PDE2A: variants seen among roughly 807,000 people sequenced by gnomAD.
PDE2A encodes the protein phosphodiesterase 2A.
PDE2A carries 53 observed loss-of-function variants against 133.6 expected under a neutral mutation model. That is an observed-to-expected ratio of 0.40 (90% CI 0.32 to 0.50). PDE2A has a LOEUF of 0.50. Ranked by LOEUF, PDE2A falls within the 20% of genes least tolerant of loss-of-function variation. The probability of loss-of-function intolerance (pLI) is 0.73; values close to 1 mark genes in which losing one functional copy is unlikely to be tolerated. For missense variants in PDE2A, 796 were observed against 1,232.4 expected (o/e 0.65, Z 5.30); for synonymous variants, 491 against 490.2 (o/e 1.00, Z -0.02).
Position 72,589,901 on chromosome 11 carries a change from C to G in PDE2A, c.831+6G>C. 1 of 1,612,686 alleles carries G rather than the reference C, an allele frequency of 6.2e-7. No individual in the cohort carries two copies. The highest frequency in any genetic ancestry group is 8.5e-7 in the Non-Finnish European group (1 of 1,179,360). On this transcript the variant is annotated splice_donor_region_variant and intron_variant, in intron 10 of 30. Transcript: ENST00000334456. ...CCCCCGCTCTACAGTGGACCTGGGC[C>G]CTCACCTTGCAAGAAAGCTGGAGAT...
chr11:72,582,605 A>T (rs752110047), intron 20 of PDE2A, 39 bp from the exon 21 acceptor site: 3 of 1,579,924 alleles, frequency 1.9e-6, no homozygotes, highest in East Asian at 2.3e-5. Context: ...GACAGCCTTC[A>T]CCCCATCTGG....
intron 6 of PDE2A, among the ~76,000 whole-genome samples, chr11:72,593,258 C>T (rs1856333772): frequency 6.6e-6 from 1 of 152,076 alleles, no homozygotes; most frequent in African/African-American, 2.4e-5. Flanking sequence ...TCCACAGCAT[C>T]CCCACAGGCA....
In PDE2A at chr11:72,600,280, G is replaced by A. The variant is rs56204271; in HGVS notation, c.324-2661C>T. 6.0e-3 allele frequency among the ~76,000 whole-genome samples: 917 copies of A among 152,264 alleles called. 10 individuals are homozygous for A. Among genetic ancestry groups the A allele is most frequent in the African/African-American group, 0.021 (871 of 41,556 alleles). On this transcript the variant is annotated intron_variant, in intron 4 of 30. Transcript: ENST00000334456. ...AAGGAGACTGTGACACTGGAAACCT[G>A]GTCTCAGTGAGGGTCCTATCATCTT... is the stretch of plus-strand genomic sequence containing the variant.
At chr11:72,610,576 T>C (rs1282438283) in intron 2 of PDE2A, among the ~76,000 whole-genome samples, 1 of 152,062 alleles carries the variant, frequency 6.6e-6, no homozygotes, top group Non-Finnish European at 1.5e-5. Flanking sequence ...AGCATCGCTT[T>C]CCCCAACCCC....
intron 1 of PDE2A, among the ~76,000 whole-genome samples, chr11:72,659,924 C>A (rs775443116): frequency 6.6e-6 from 1 of 152,210 alleles, no homozygotes; most frequent in African/African-American, 2.4e-5. Context: ...CCCTGCCTGG[C>A]TGCACTGCCT....
chr11:72,631,106 G>T (rs1858358813), intron 2 of PDE2A: 4 of 1,548,568 alleles, frequency 2.6e-6, no homozygotes, highest in Middle Eastern at 3.3e-4. Flanking sequence ...ACTCCCTGGG[G>T]GTCCTGGCTC....
intron 1 of PDE2A, among the ~76,000 whole-genome samples, chr11:72,645,639 C>A (rs905786249): frequency 5.3e-5 from 8 of 152,310 alleles, no homozygotes; most frequent in African/African-American, 1.7e-4. Context: ...TTGTGAATGT[C>A]CCCCGGTGAT....
intron 6 of PDE2A, among the ~76,000 whole-genome samples, chr11:72,592,445 G>T (rs571846774): frequency 3.3e-5 from 5 of 152,224 alleles, no homozygotes; most frequent in African/African-American, 1.2e-4. Flanking sequence ...GGGGTGGGAC[G>T]AGTGGGGAGA....
intron 2 of PDE2A, among the ~76,000 whole-genome samples, chr11:72,618,100 C>G (rs1857566544): frequency 6.6e-6 from 1 of 152,212 alleles, no homozygotes; most frequent in African/African-American, 2.4e-5. Context: ...ACACCCCCTC[C>G]CCTCCTCCAG....
At chr11:72,636,173 G>T (rs745461656) in intron 2 of PDE2A, 1 of 1,104,624 alleles carries the variant, frequency 9.1e-7, no homozygotes, top group South Asian at 2.1e-5. Context: ...ACTCTCAAGG[G>T]AGCTGAACAG....
chr11:72,581,056 G>A, intron 23 of PDE2A, 83 bp from the exon 24 acceptor site: 1 of 994,814 alleles, frequency 1.0e-6, no homozygotes, highest in East Asian at 2.4e-5. Context: ...GACAGGAGAT[G>A]ACATGCCCAG....
At chr11:72,671,321 T>C (rs1235800381) in intron 1 of PDE2A, among the ~76,000 whole-genome samples, 1 of 152,088 alleles carries the variant, frequency 6.6e-6, no homozygotes, top group East Asian at 1.9e-4. Flanking sequence ...TGTTGAGTGG[T>C]TGAATGAATG....
At chr11:72,651,080 A>G (rs899741759) in intron 1 of PDE2A, among the ~76,000 whole-genome samples, 5 of 152,288 alleles carry the variant, frequency 3.3e-5, no homozygotes, top group Admixed American at 3.3e-4. Flanking sequence ...AGGCTCCAAG[A>G]ACTCCCAGAG....
At chr11:72,593,790 C>T (rs1856357390) in intron 6 of PDE2A, among the ~76,000 whole-genome samples, 1 of 152,250 alleles carries the variant, frequency 6.6e-6, no homozygotes, top group South Asian at 2.1e-4. Context: ...CCAGCATATT[C>T]CTCAGAGAGC....
At chr11:72,612,299 A>G (rs1469008864) in intron 2 of PDE2A, among the ~76,000 whole-genome samples, 1 of 151,718 alleles carries the variant, frequency 6.6e-6, no homozygotes, top group East Asian at 1.9e-4. Context: ...ACACACACAC[A>G]CACACACACA....
In PDE2A at chr11:72,578,192, T is replaced by A; in HGVS notation, c.2615+41A>T. 7.8e-7 allele frequency: 1 copy of A among 1,286,122 alleles called. No individual in the cohort carries two copies. The highest frequency in any genetic ancestry group is 1.1e-6 in the Non-Finnish European group (1 of 880,626). 79.7% of individuals were successfully genotyped at this position (1,286,122 alleles called of 1,614,324 possible). A position where few individuals can be genotyped will look rare whatever the true frequency, so the allele number is the denominator to read the frequency against. On this transcript the variant is annotated intron_variant, in intron 30 of 30. Coordinates refer to ENST00000334456, the MANE Select transcript of PDE2A (RefSeq NM_002599.5). This position sits in a 1 kb window ranked among gnomAD's most constrained non-coding sequence, Gnocchi z 4.2. ...GTGATGTCCCCACTCCAGCCTACCC[T>A]CTCTGTGCAGGGTGCAGCTTGTCCC...
intron 1 of PDE2A, among the ~76,000 whole-genome samples, chr11:72,656,840 T>C (rs1172713942): frequency 6.6e-6 from 1 of 151,936 alleles, no homozygotes; most frequent in Non-Finnish European, 1.5e-5. Context: ...CCTGGGCCTG[T>C]TTCCCCATCT....
In PDE2A at chr11:72,603,943, C is replaced by T. The variant is rs116764713; in HGVS notation, c.323+1195G>A. 5.7e-3 allele frequency among the ~76,000 whole-genome samples: 863 copies of T among 152,318 alleles called. 8 individuals carry two copies. Among genetic ancestry groups the T allele is most frequent in the African/African-American group, 0.02 (828 of 41,568 alleles). ...AGGGGCCTCAGGACCATGAGTCCAG[C>T]ATCCTCAAACAGGAATTCTTTCCAT... On this transcript the variant is annotated intron_variant, in intron 4 of 30. Transcript: ENST00000334456.
chr11:72,608,703 G>A lies in PDE2A; in HGVS notation c.193C>T (p.Arg65Cys), dbSNP rs754921312. 2.5e-5 allele frequency: 40 copies of A among 1,577,302 alleles called. No homozygotes were observed. Among genetic ancestry groups the A allele is most frequent in the African/African-American group, 1.5e-4 (11 of 74,670 alleles). Residue 65 changes from arginine (R) to cysteine (C), a missense_variant, in exon 3 of 31, where the codon CGT becomes TGT. Physicochemically the swap from Arg to Cys is radical, Grantham distance 180 (BLOSUM62 -3). This residue lies in a region of PDE2A where 417 missense variants were observed against 475.3 expected (regional missense o/e 0.88). Transcript: ENST00000334456. ...GSVIDISGLQRAVKEALSAVL... is the reference protein window; with the variant it reads ...GSVIDISGLQCAVKEALSAVL... ...GCTGACAGGGCCTCCTTGACAGCAC[G>A]TTGCAGGCCTGAAATGTCGATGACA... is the stretch of plus-strand genomic sequence containing the variant.
Sources: allele counts gnomAD v4.1 joint callset (sites outside exome capture counted in the v4.1 genomes callset), GRCh38; gene constraint gnomAD v4.1.1; regional missense constraint gnomAD v4.1.1; non-coding constraint Gnocchi (gnomAD v3.1); transcripts MANE v1.5; gene names NCBI Gene and HGNC (gene_info 2026-07-23, HGNC 2026-07-21).